Variants in DIAPH3 observed in about 807,000 individuals in gnomAD.
The protein encoded by DIAPH3 is diaphanous related formin 3, also known as protein diaphanous homolog 3.
DIAPH3 carries 117 observed loss-of-function variants against 144.3 expected under a neutral mutation model. That is an observed-to-expected ratio of 0.81 (90% confidence interval 0.70 to 0.95). DIAPH3 has a LOEUF of 0.95. Among genes scored for constraint, DIAPH3 ranks in the 40% least tolerant of loss-of-function variants. The pLI is 0.00. For missense variants in DIAPH3, 1,421 were observed against 1,412.7 expected (o/e 1.01, Z -0.09); for synonymous variants, 519 against 488.9 (o/e 1.06, Z -0.81).
chr13:59,746,496 T>A (rs1016383245), intron 27 of DIAPH3, among the ~76,000 whole-genome samples: 3 of 152,020 alleles, frequency 2.0e-5, no homozygotes, highest in Admixed American at 2.0e-4. Context: ...AGTGCTGACA[T>A]TACAGGTGTG....
At chr13:60,139,396 A>G (rs569208255) in intron 1 of DIAPH3, among the ~76,000 whole-genome samples, 267 of 152,310 alleles carry the variant, frequency 1.8e-3, no homozygotes, top group Middle Eastern at 3.4e-3. Flanking sequence ...TTTATTCAAA[A>G]CTGCAATTCT....
rs537212129 is a variant in DIAPH3, at chr13:59,924,523, GT to G, written c.2170+251del. On this transcript the variant is annotated intron_variant, in intron 18 of 27. Coordinates refer to ENST00000400324, the MANE Select transcript of DIAPH3 (RefSeq NM_001042517.2). ...AAAAAAGGGACTTTAAAGAGTAGCT[GT>G]TTTTTTTTTTCAGTTATGAAAGGTA... Among the ~76,000 whole-genome samples the G allele has an allele frequency of 6.0e-3, 845 of 140,782 alleles. 5 individuals are homozygous for G. Among genetic ancestry groups the G allele is most frequent in the African/African-American group, 0.018 (695 of 38,578 alleles). The allele number at this position is 140,782 out of a possible 152,430, so 92.4% of individuals were successfully genotyped here. A position where few individuals can be genotyped will look rare whatever the true frequency, so the allele number is the denominator to read the frequency against.
chr13:60,008,739 C>A lies in DIAPH3; in HGVS notation c.909-90G>T, dbSNP rs149653498. The stretch of plus-strand genomic sequence containing the variant: ...TTATCCTACTAAAGAAGTCAATACC[C>A]TAAGCAGCCAATATATTTTAGAAGT... On this transcript the variant is annotated intron_variant, in intron 8 of 27. Coordinates refer to ENST00000400324, the MANE Select transcript of DIAPH3 (RefSeq NM_001042517.2). 1.2e-3 allele frequency: 935 copies of A among 810,190 alleles called. 6 individuals are homozygous for A. The African/African-American group carries it at 0.014, about 12-fold the overall frequency. 50.2% of individuals were successfully genotyped at this position (810,190 alleles called of 1,614,324 possible). A position where few individuals can be genotyped will look rare whatever the true frequency, so the allele number is the denominator to read the frequency against.
In DIAPH3 at chr13:60,090,401, A is replaced by T. The variant is rs573486346; in HGVS notation, c.495+3227T>A. ...TTTTTTAATTCTAAAAACCAACCTT[A>T]TCTACGTTAGGCCTACTTTGAGGGT... On this transcript the variant is annotated intron_variant, in intron 4 of 27. Transcript: ENST00000400324. 5.7e-4 allele frequency among the ~76,000 whole-genome samples: 86 copies of T among 149,922 alleles called. 1 individual carries two copies. In the Middle Eastern group the frequency reaches 0.014, roughly 24 times the overall value.
Position 60,112,126 on chromosome 13 carries a change from T to C in DIAPH3, c.274A>G (p.Asn92Asp). 6.2e-7 allele frequency: 1 copy of C among 1,614,182 alleles called. No homozygotes were observed. The highest frequency in any genetic ancestry group is 1.3e-5 in the African/African-American group (1 of 75,064). The part of the protein sequence containing the change: ...GSKKERPPLP[N>D]LKTAFASSDC... ...CTGCTTGCAAATGCAGTCTTCAGGT[T>C]GGGAAGTGGAGGTCTCTCTTTCTTG... The change falls in exon 3 of 28, where the codon AAC becomes GAC. Residue 92 changes from asparagine to aspartate, a missense_variant. By Grantham distance (23) the Asn-to-Asp change is conservative. Coordinates refer to ENST00000400324, the MANE Select transcript of DIAPH3 (RefSeq NM_001042517.2).
intron 25 of DIAPH3, among the ~76,000 whole-genome samples, chr13:59,775,074 G>C (rs920200218): frequency 6.6e-6 from 1 of 152,160 alleles, no homozygotes; most frequent in Non-Finnish European, 1.5e-5. Flanking sequence ...TCACTTCAGA[G>C]CACTGCTTTT....
At position 60,043,782 on chromosome 13, in the gene DIAPH3, T is replaced by C. The variant is rs1399163712; in HGVS notation, c.496-962A>G. ...CCTACCTACATGTAGCTTTACTACATATGGGGAGAAACAGGCAATACATAA... is the reference window on the plus strand; with the variant it reads ...CCTACCTACATGTAGCTTTACTACACATGGGGAGAAACAGGCAATACATAA... On this transcript the variant is annotated intron_variant, in intron 4 of 27. Transcript: ENST00000400324. 2.6e-5 allele frequency among the ~76,000 whole-genome samples: 4 copies of C among 152,130 alleles called. No individual in the cohort carries two copies. In the East Asian group the frequency reaches 7.7e-4, roughly 29 times the overall value.
intron 20 of DIAPH3, among the ~76,000 whole-genome samples, chr13:59,892,545 T>C (rs1461583506): frequency 1.3e-5 from 2 of 151,880 alleles, no homozygotes; most frequent in Admixed American, 6.6e-5. Context: ...TATAGGTAAG[T>C]AGATATAAAA....
chr13:59,900,127 G>A (rs1468739729), intron 20 of DIAPH3, among the ~76,000 whole-genome samples: 3 of 152,074 alleles, frequency 2.0e-5, no homozygotes, highest in Admixed American at 6.5e-5. Context: ...GTAATGGCAG[G>A]ATTTGATATT....
intron 1 of DIAPH3, among the ~76,000 whole-genome samples, chr13:60,149,147 A>G (rs7982258): frequency 0.62 from 94,261 of 152,096 alleles, 29,622 homozygotes; most frequent in Admixed American, 0.71. Context: ...TTTCAGCACC[A>G]TTACAGGATG....
chr13:60,106,901 A>G (rs972943794), intron 3 of DIAPH3, among the ~76,000 whole-genome samples: 7 of 152,180 alleles, frequency 4.6e-5, no homozygotes, highest in African/African-American at 1.7e-4. Context: ...CAAATTAACC[A>G]GCCTGCAATC....
chr13:59,915,220 GA>G (rs915040369), intron 19 of DIAPH3, among the ~76,000 whole-genome samples: 41 of 151,722 alleles, frequency 2.7e-4, no homozygotes, highest in East Asian at 2.1e-3. Flanking sequence ...AACTGAAAGA[GA>G]AAAAAAATGC....
At chr13:60,115,583 T>C (rs1274279100) in intron 2 of DIAPH3, among the ~76,000 whole-genome samples, 1 of 152,186 alleles carries the variant, frequency 6.6e-6, no homozygotes, top group Non-Finnish European at 1.5e-5. Context: ...ATACTGCATC[T>C]TTACATTTGT....
intron 17 of DIAPH3, among the ~76,000 whole-genome samples, chr13:59,957,936 T>C (rs577397365): frequency 7.2e-4 from 109 of 152,184 alleles, no homozygotes; most frequent in Middle Eastern, 6.8e-3. Context: ...TGAAAAATAA[T>C]TGGTTCTCTA....
At chr13:59,731,535 T>C (rs1465271767) in intron 27 of DIAPH3, among the ~76,000 whole-genome samples, 1 of 152,172 alleles carries the variant, frequency 6.6e-6, no homozygotes, top group Admixed American at 6.5e-5. Flanking sequence ...GCAATCTAAT[T>C]AGACAGACAC....
At chr13:59,998,418 T>A (rs1467686025) in intron 9 of DIAPH3, among the ~76,000 whole-genome samples, 3 of 152,142 alleles carry the variant, frequency 2.0e-5, no homozygotes, top group African/African-American at 7.2e-5. Context: ...TCACTCAACT[T>A]TGTAGTTCCA....
At chr13:59,902,374 C>A (rs577884058) in intron 20 of DIAPH3, among the ~76,000 whole-genome samples, 1 of 152,224 alleles carries the variant, frequency 6.6e-6, no homozygotes, top group African/African-American at 2.4e-5. Flanking sequence ...GTGCCTGTTT[C>A]CCCTACACCT....
intron 1 of DIAPH3, among the ~76,000 whole-genome samples, chr13:60,156,940 T>TATATATATATATATATA (rs58923567): frequency 1.4e-4 from 4 of 27,922 alleles, no homozygotes; most frequent in Admixed American, 5.2e-4. Flanking sequence ...TATATATATA[T>TATATATATATATATATA]TTTTTTTTTT....
intron 24 of DIAPH3, among the ~76,000 whole-genome samples, chr13:59,828,084 G>A (rs1326890093): frequency 2.0e-5 from 3 of 151,952 alleles, no homozygotes; most frequent in African/African-American, 7.3e-5. Flanking sequence ...TTGGTATAAA[G>A]CTTGATGCCC....
Sources: gnomAD v4.1 joint callset for allele counts (sites outside exome capture counted in the v4.1 genomes callset) on GRCh38, gnomAD v4.1.1 for gene constraint, MANE v1.5 for transcripts, NCBI Gene and HGNC (gene_info 2026-07-23, HGNC 2026-07-21) for gene names.